Variants in CHSY3 observed in about 807,000 individuals in gnomAD.
CHSY3 encodes the protein N-acetylgalactosaminyl-proteoglycan 3-beta-glucuronosyltransferase 3.
Under a neutral mutation model 67.2 loss-of-function variants are expected in CHSY3, and 35 were observed. That is an observed-to-expected ratio of 0.52 (90% CI 0.40 to 0.69). The LOEUF (loss-of-function observed/expected upper bound fraction) is 0.69. Among genes scored for constraint, CHSY3 ranks in the 30% least tolerant of loss-of-function variants. CHSY3 has a pLI of 0.00. For missense variants in CHSY3, 1,069 were observed against 1,138.5 expected (o/e 0.94, Z 0.88); for synonymous variants, 474 against 434.7 (o/e 1.09, Z -1.12).
At chr5:130,002,371 G>A (rs1763752077) in intron 2 of CHSY3, among the ~76,000 whole-genome samples, 2 of 152,196 alleles carry the variant, frequency 1.3e-5, no homozygotes, top group Non-Finnish European at 2.9e-5. Flanking sequence ...TAGGATGCCA[G>A]CTGTTTAAAA....
In CHSY3 at chr5:129,994,580, A is replaced by G. The variant is rs148421722; in HGVS notation, c.1086+86220A>G. ...ATACCGGATTATAAATCATGCTGCTATAAAGACACATGCACACGTGTGTTT... is the reference window on the plus strand; with the variant it reads ...ATACCGGATTATAAATCATGCTGCTGTAAAGACACATGCACACGTGTGTTT... On this transcript the variant is annotated intron_variant, in intron 2 of 2. Coordinates refer to ENST00000305031, the MANE Select transcript of CHSY3 (RefSeq NM_175856.5). Among the ~76,000 whole-genome samples the G allele has an allele frequency of 3.2e-3, 481 of 152,190 alleles. 6 individuals are homozygous for G. The highest frequency in any genetic ancestry group is 6.8e-3 in the Middle Eastern group (2 of 294).
At chr5:130,108,491 C>G (rs547234343) in intron 2 of CHSY3, among the ~76,000 whole-genome samples, 1 of 151,598 alleles carries the variant, frequency 6.6e-6, no homozygotes, top group Non-Finnish European at 1.5e-5. Flanking sequence ...AGGTTTTATT[C>G]TTTCAGAAAT....
intron 2 of CHSY3, among the ~76,000 whole-genome samples, chr5:130,146,404 T>C (rs929858893): frequency 3.9e-5 from 6 of 152,000 alleles, no homozygotes; most frequent in South Asian, 2.1e-4. Flanking sequence ...AAAGAAAAGA[T>C]GTTATCAAAC....
At chr5:130,156,690 G>A (rs1297957939) in intron 2 of CHSY3, among the ~76,000 whole-genome samples, 3 of 152,200 alleles carry the variant, frequency 2.0e-5, no homozygotes, top group Admixed American at 6.5e-5. Context: ...TGCTTAAGCA[G>A]CAGATAAACA....
intron 2 of CHSY3, among the ~76,000 whole-genome samples, chr5:130,012,731 G>A (rs116305771): frequency 0.023 from 3,575 of 152,154 alleles, 129 homozygotes; most frequent in African/African-American, 0.079. Context: ...GGAGGATTAT[G>A]GGAACTGTAA....
At chr5:129,905,906 T>A in intron 1 of CHSY3, 2 of 641,120 alleles carry the variant, frequency 3.1e-6, no homozygotes, top group Non-Finnish European at 2.5e-6. Flanking sequence ...TGTCCCTTAG[T>A]CTTTACCTCG....
In CHSY3 at chr5:129,908,241, A is replaced by G; in HGVS notation, c.967A>G (p.Arg323Gly). The G allele has an allele frequency of 6.2e-7, 1 of 1,614,134 alleles. No individual in the cohort carries two copies. Among genetic ancestry groups the G allele is most frequent in the Non-Finnish European group, 8.5e-7 (1 of 1,180,004 alleles). The change falls in exon 2 of 3, where the codon AGG (arginine) becomes GGG (glycine). Residue 323 changes from arginine to glycine, a missense_variant. Around this residue, in one of 5 missense-constraint regions of CHSY3, gnomAD observed 216 missense variants for 311.5 expected, o/e 0.69. Transcript: ENST00000305031. ...CATGATCTTTAGCCGAGAAGTTCTC[A>G]GGAGGATGGTGCCACATATTGGTGA... ...PGMIFSREVL[R>G]RMVPHIGECL...
chr5:130,098,071 T>TC (rs1767109676), intron 2 of CHSY3, among the ~76,000 whole-genome samples: 1 of 151,854 alleles, frequency 6.6e-6, no homozygotes, highest in Non-Finnish European at 1.5e-5. Context: ...TCAGTTTTTT[T>TC]CCAATGGAAA....
intron 2 of CHSY3, among the ~76,000 whole-genome samples, chr5:130,057,687 C>G (rs776046221): frequency 2.0e-5 from 3 of 152,148 alleles, no homozygotes; most frequent in African/African-American, 7.2e-5. Flanking sequence ...ATGGACTCAT[C>G]TATAATTTTT....
intron 2 of CHSY3, among the ~76,000 whole-genome samples, chr5:129,938,579 C>T (rs1319446470): frequency 3.3e-5 from 5 of 152,204 alleles, no homozygotes; most frequent in African/African-American, 1.2e-4. Context: ...GAACACTCTG[C>T]TGTGTAGAAA....
At chr5:129,945,527 T>G (rs1485432107) in intron 2 of CHSY3, among the ~76,000 whole-genome samples, 1 of 151,380 alleles carries the variant, frequency 6.6e-6, no homozygotes, top group Non-Finnish European at 1.5e-5. Context: ...ATATATCAAG[T>G]CCCTGAGGGT....
chr5:130,017,388 A>T (rs1329344401), intron 2 of CHSY3, among the ~76,000 whole-genome samples: 1 of 152,030 alleles, frequency 6.6e-6, no homozygotes, highest in East Asian at 1.9e-4. Context: ...GGCTTTCTCA[A>T]ATCTTCCCAC....
chr5:130,049,438 C>T (rs1765260807), intron 2 of CHSY3, among the ~76,000 whole-genome samples: 1 of 152,074 alleles, frequency 6.6e-6, no homozygotes, highest in Admixed American at 6.6e-5. Flanking sequence ...ATAGCTGGCA[C>T]ATGCCATAGA....
intron 2 of CHSY3, among the ~76,000 whole-genome samples, chr5:130,019,927 A>C (rs1219981541): frequency 6.6e-6 from 1 of 152,200 alleles, no homozygotes; most frequent in Non-Finnish European, 1.5e-5. Flanking sequence ...ATTTGCATTG[A>C]TTTATTTTGC....
intron 2 of CHSY3, among the ~76,000 whole-genome samples, chr5:130,172,553 T>C (rs1769925939): frequency 6.6e-6 from 1 of 152,064 alleles, no homozygotes; most frequent in Non-Finnish European, 1.5e-5. Flanking sequence ...CTGGTCTCAA[T>C]ATTTTGGACT....
In CHSY3 at chr5:130,184,429, C is replaced by A. The variant is rs1290276858; in HGVS notation, c.1287C>A (p.Ala429=). 1 of 1,613,500 alleles carries A rather than the reference C, an allele frequency of 6.2e-7. No individual in the cohort carries two copies. The highest frequency in any genetic ancestry group is 8.5e-7 in the Non-Finnish European group (1 of 1,179,498). Residue 429 remains alanine (A), a synonymous_variant, in exon 3 of 3, where the codon GCC becomes GCA. Transcript: ENST00000305031. Reference sequence around the variant, plus strand: ...CCATCCAGCTCCACAGGGAAAGTGCCCTGATGAGCAAGCTCAGTAACACAG... The same window carrying A: ...CCATCCAGCTCCACAGGGAAAGTGCACTGATGAGCAAGCTCAGTAACACAG... The part of the protein sequence containing the change: ...YRTIQLHRES[A]LMSKLSNTEV...
intron 2 of CHSY3, among the ~76,000 whole-genome samples, chr5:130,010,830 G>A (rs1206918783): frequency 6.6e-6 from 1 of 152,052 alleles, no homozygotes; most frequent in African/African-American, 2.4e-5. Context: ...CAAAAAAATA[G>A]AGAGTATTAT....
rs544417463 is a variant in CHSY3, at chr5:129,908,720, C to T, written c.1086+360C>T. 1.1e-4 allele frequency among the ~76,000 whole-genome samples: 16 copies of T among 152,250 alleles called. 1 individual carries two copies. The highest frequency in any genetic ancestry group is 3.6e-4 in the African/African-American group (15 of 41,548). ...TCTTCTCTTTAGCTGTAGCCTTTAG[C>T]ATTTGGTACTGTGCCTTTTTATTTT... On this transcript the variant is annotated intron_variant, in intron 2 of 2. Coordinates refer to ENST00000305031, the MANE Select transcript of CHSY3 (RefSeq NM_175856.5).
intron 2 of CHSY3, among the ~76,000 whole-genome samples, chr5:129,971,947 G>A (rs1762651630): frequency 6.6e-6 from 1 of 151,976 alleles, no homozygotes; most frequent in African/African-American, 2.4e-5. Flanking sequence ...ATTCAGCTAT[G>A]CTATTTTAAA....
Sources: allele counts gnomAD v4.1 joint callset (sites outside exome capture counted in the v4.1 genomes callset), GRCh38; gene constraint gnomAD v4.1.1; regional missense constraint gnomAD v4.1.1; transcripts MANE v1.5; gene names NCBI Gene and HGNC (gene_info 2026-07-23, HGNC 2026-07-21).